The following GLTP variants were observed in gnomAD, a reference collection of about 807,000 sequenced individuals.
GLTP encodes glycolipid transfer protein.
GLTP carries 22 observed loss-of-function variants against 24.0 expected under a neutral mutation model. The observed-to-expected ratio is 0.92, with a 90% confidence interval of 0.65 to 1.31. The LOEUF (loss-of-function observed/expected upper bound fraction) is 1.31, where lower values mean the gene tolerates loss of function less well. GLTP is among the 50% of genes most tolerant of loss of function. The probability of loss-of-function intolerance (pLI) is 0.00; values close to 1 mark genes in which losing one functional copy is unlikely to be tolerated. For synonymous variants in GLTP, 92 were observed against 115.9 expected (o/e 0.79, Z 1.33); for missense variants, 224 against 276.6 (o/e 0.81, Z 1.35).
Position 109,857,707 on chromosome 12 carries a change from G to A in GLTP, c.163-48C>T. The A allele has an allele frequency of 3.7e-6, 6 of 1,609,804 alleles. No individual in the cohort carries two copies. Among genetic ancestry groups the A allele is most frequent in the Non-Finnish European group, 5.1e-6 (6 of 1,176,152 alleles). ...TCCCCTTGGGTAAGCTGCCCCCATA[G>A]ACATCTGGCCCGCACGCTGGGTGAA... On this transcript the variant is annotated intron_variant, in intron 2 of 4. Transcript: ENST00000318348. The surrounding 1 kb of genome is among the most constrained non-coding windows in gnomAD (Gnocchi z 4.3).
At chr12:109,871,052 A>T (rs1241096512) in intron 1 of GLTP, among the ~76,000 whole-genome samples, 1 of 149,464 alleles carries the variant, frequency 6.7e-6, no homozygotes, top group African/African-American at 2.5e-5. Context: ...AAACAATGAA[A>T]CCTAAGACTA....
intron 4 of GLTP, 25 bp from the exon 5 acceptor site, chr12:109,852,762 A>C: frequency 6.4e-7 from 1 of 1,560,270 alleles, no homozygotes; most frequent in South Asian, 1.1e-5. Context: ...GAAGGGAGGT[A>C]GGCACAGCGT....
intron 1 of GLTP, among the ~76,000 whole-genome samples, chr12:109,861,806 G>A (rs1010461298): frequency 6.6e-6 from 1 of 152,172 alleles, no homozygotes; most frequent in South Asian, 2.1e-4. Context: ...TGAACACTCA[G>A]TACCTGAACT....
chr12:109,868,233 A>T (rs112188326), intron 1 of GLTP, among the ~76,000 whole-genome samples: 2,301 of 90,428 alleles, frequency 0.025, no homozygotes, highest in South Asian at 0.061. Flanking sequence ...CTGGTCTTGA[A>T]CTCCTAGCCA....
intron 1 of GLTP, among the ~76,000 whole-genome samples, chr12:109,877,021 T>A (rs1868905395): frequency 6.6e-6 from 1 of 152,134 alleles, no homozygotes; most frequent in Non-Finnish European, 1.5e-5. Flanking sequence ...CCCAGCTAAT[T>A]TTCTGTACTT....
intron 1 of GLTP, 99 bp from the exon 2 acceptor site, chr12:109,858,840 G>A (rs1892836568): frequency 2.4e-6 from 2 of 817,964 alleles, no homozygotes; most frequent in Non-Finnish European, 4.3e-6. Flanking sequence ...ATTACATGGT[G>A]TGTCCCGGGG....
intron 1 of GLTP, among the ~76,000 whole-genome samples, chr12:109,861,837 A>C (rs1160240524): frequency 6.6e-6 from 1 of 152,178 alleles, no homozygotes; most frequent in Non-Finnish European, 1.5e-5. Context: ...TTATGACCTC[A>C]TATCATTACT....
chr12:109,874,494 T>G (rs1868824218), intron 1 of GLTP, among the ~76,000 whole-genome samples: 1 of 152,088 alleles, frequency 6.6e-6, no homozygotes, highest in Admixed American at 6.5e-5. Context: ...ACCCCAGAAT[T>G]TGGATCTCAA....
intron 1 of GLTP, among the ~76,000 whole-genome samples, chr12:109,868,017 T>C (rs1217065597): frequency 6.6e-6 from 1 of 152,248 alleles, no homozygotes; most frequent in African/African-American, 2.4e-5. Context: ...GACCTCGTGA[T>C]CCACCCGCTT....
chr12:109,858,992 TAAAC>T (rs1892838731), intron 1 of GLTP, among the ~76,000 whole-genome samples: 1 of 152,178 alleles, frequency 6.6e-6, no homozygotes. Flanking sequence ...TGGCTTGAAA[TAAAC>T]AATCCAATCC....
chr12:109,856,122 C>T (rs1390254325), intron 3 of GLTP, among the ~76,000 whole-genome samples: 1 of 152,124 alleles, frequency 6.6e-6, no homozygotes, highest in Non-Finnish European at 1.5e-5. Context: ...AGGAATGAAG[C>T]CACAGTGCTG....
chr12:109,858,573 C>A (rs1892832059), intron 2 of GLTP, 110 bp downstream of exon 2: 4 of 796,210 alleles, frequency 5.0e-6, no homozygotes, highest in Non-Finnish European at 8.9e-6. Context: ...TGTCTCCATT[C>A]CCTTCCTTGG....
At chr12:109,854,476 CTT>C (rs1292165816) in intron 4 of GLTP, among the ~76,000 whole-genome samples, 1 of 151,766 alleles carries the variant, frequency 6.6e-6, no homozygotes, top group Non-Finnish European at 1.5e-5. Flanking sequence ...CACAATGACT[CTT>C]TGAGTAGTGC....
At chr12:109,866,880 C>T (rs887705643) in intron 1 of GLTP, among the ~76,000 whole-genome samples, 1 of 151,458 alleles carries the variant, frequency 6.6e-6, no homozygotes, top group South Asian at 2.1e-4. Flanking sequence ...CCACCTCAGC[C>T]TCCAGAGTAG....
chr12:109,870,279 A>C (rs1039816353), intron 1 of GLTP, among the ~76,000 whole-genome samples: 1 of 152,114 alleles, frequency 6.6e-6, no homozygotes, highest in African/African-American at 2.4e-5. Context: ...CAGCCTGGCC[A>C]ACATGGTGAA....
intron 1 of GLTP, among the ~76,000 whole-genome samples, chr12:109,875,312 T>G (rs980421093): frequency 3.3e-5 from 5 of 151,352 alleles, no homozygotes; most frequent in African/African-American, 1.2e-4. Flanking sequence ...AGGAGGGAGG[T>G]GGGCTGAAGA....
At position 109,857,963 on chromosome 12, in the gene GLTP, G is replaced by A. The variant is rs983105890; in HGVS notation, c.163-304C>T. The A allele has an allele frequency of 1.1e-5, 5 of 447,084 alleles. No homozygotes were observed. The highest frequency in any genetic ancestry group is 4.1e-4 in the Middle Eastern group (1 of 2,452). 27.7% of individuals were successfully genotyped at this position (447,084 alleles called of 1,614,324 possible). A position where few individuals can be genotyped will look rare whatever the true frequency, so the allele number is the denominator to read the frequency against. ...CGGACTTGCCCAAGGTCACACAGTT[G>A]GTACAGAGTTCATGTTCTCCAGCCA... On this transcript the variant is annotated intron_variant, in intron 2 of 4. Coordinates refer to ENST00000318348, the MANE Select transcript of GLTP (RefSeq NM_016433.4). This position sits in a 1 kb window ranked among gnomAD's most constrained non-coding sequence, Gnocchi z 4.3.
intron 1 of GLTP, among the ~76,000 whole-genome samples, chr12:109,875,899 T>C (rs1868864613): frequency 6.6e-6 from 1 of 152,240 alleles, no homozygotes; most frequent in African/African-American, 2.4e-5. Flanking sequence ...CTCAGCAGTT[T>C]CACTTCTAAA....
intron 1 of GLTP, among the ~76,000 whole-genome samples, chr12:109,862,019 G>A (rs192978414): frequency 6.6e-5 from 10 of 152,148 alleles, no homozygotes; most frequent in South Asian, 2.1e-4. Context: ...TGCAAGCTCC[G>A]GGCATGCTGT....
Sources: allele counts gnomAD v4.1 joint callset (sites outside exome capture counted in the v4.1 genomes callset), GRCh38; gene constraint gnomAD v4.1.1; non-coding constraint Gnocchi (gnomAD v3.1); transcripts MANE v1.5; gene names NCBI Gene and HGNC (gene_info 2026-07-23, HGNC 2026-07-21).